ANK2: variants seen among roughly 807,000 people sequenced by gnomAD.
The protein encoded by ANK2 is ankyrin-2.
A neutral mutation model predicts 360.5 loss-of-function variants in ANK2; 83 were observed. The ratio of observed to expected loss-of-function variants is 0.23; its 90% confidence interval spans 0.19 to 0.28. The LOEUF is 0.28. ANK2 is among the 10% of genes least tolerant of loss of function. ANK2 has a pLI of 1.00. For synonymous variants in ANK2, 1,740 were observed against 1,759.5 expected (o/e 0.99, Z 0.28); for missense variants, 4,201 against 4,795.7 (o/e 0.88, Z 3.66).
At chr4:113,027,033 ATCTG>A (rs2059423609) in intron 2 of ANK2, among the ~76,000 whole-genome samples, 1 of 152,090 alleles carries the variant, frequency 6.6e-6, no homozygotes, top group Admixed American at 6.6e-5. Flanking sequence ...GGAGGAATCC[ATCTG>A]TTTCAGTGAA....
the ANK2 span, among the ~76,000 whole-genome samples, chr4:112,706,987 G>T: frequency 6.6e-6 from 1 of 152,136 alleles, no homozygotes; most frequent in Non-Finnish European, 1.5e-5. Context: ...CCATTGCCAG[G>T]AACTATAGCA....
chr4:113,197,282 A>G (rs936119482), intron 3 of ANK2, among the ~76,000 whole-genome samples: 10 of 152,226 alleles, frequency 6.6e-5, no homozygotes, highest in African/African-American at 2.4e-4. Flanking sequence ...GACTCATTTT[A>G]AAAGAAATGC....
chr4:113,202,871 TTTAG>T (rs2098853939), intron 4 of ANK2, among the ~76,000 whole-genome samples: 1 of 152,188 alleles, frequency 6.6e-6, no homozygotes, highest in Non-Finnish European at 1.5e-5. Flanking sequence ...GTGTAATTGA[TTTAG>T]TAACAATGAA....
intron 39 of ANK2, among the ~76,000 whole-genome samples, chr4:113,361,973 A>T (rs558827711): frequency 6.6e-6 from 1 of 152,316 alleles, no homozygotes; most frequent in African/African-American, 2.4e-5. Flanking sequence ...TCTATCTTCT[A>T]GCCGTGTGCC....
At chr4:112,988,748 C>A (rs1204141438) in intron 2 of ANK2, among the ~76,000 whole-genome samples, 1 of 152,100 alleles carries the variant, frequency 6.6e-6, no homozygotes, top group Non-Finnish European at 1.5e-5. Flanking sequence ...AGTAGTAATC[C>A]TTTAGGTAAT....
chr4:113,288,345 G>A (rs1213706544), intron 19 of ANK2, 43 bp from the exon 20 acceptor site: 1 of 1,534,674 alleles, frequency 6.5e-7, no homozygotes. Flanking sequence ...GAGTAGTAAA[G>A]TTTCTACTTT....
At chr4:112,879,347 G>T (rs1290231845) in intron 1 of ANK2, among the ~76,000 whole-genome samples, 2 of 152,158 alleles carry the variant, frequency 1.3e-5, no homozygotes, top group Non-Finnish European at 2.9e-5. Flanking sequence ...AGCTGCCGTG[G>T]TGTATGACCT....
In ANK2 at chr4:113,382,939, T is replaced by C. The variant is rs761265932; in HGVS notation, c.*1468T>C. The C allele has an allele frequency of 5.9e-5, 9 of 152,664 alleles. No individual in the cohort carries two copies. The highest frequency in any genetic ancestry group is 2.0e-4 in the Admixed American group (3 of 15,284). 9.5% of individuals were successfully genotyped at this position (152,664 alleles called of 1,614,324 possible). A position where few individuals can be genotyped will look rare whatever the true frequency, so the allele number is the denominator to read the frequency against. ...TGTTTGTTTGTCTCAAAGAAGGGAC[T>C]GTAACAATCTGAGTAATTTCCATGT... On this transcript the variant is annotated 3_prime_UTR_variant, in exon 46 of 46. Transcript: ENST00000357077.
At chr4:112,758,919 G>A in the ANK2 span, among the ~76,000 whole-genome samples, 1 of 152,092 alleles carries the variant, frequency 6.6e-6, no homozygotes, top group African/African-American at 2.4e-5. Flanking sequence ...TGATTCTAGG[G>A]AGAATTTCGA....
the ANK2 span, among the ~76,000 whole-genome samples, chr4:112,784,486 G>A: frequency 0.026 from 3,896 of 150,496 alleles, 70 homozygotes; most frequent in Admixed American, 0.041. Context: ...GCCTCCTACC[G>A]GCGCCTGCCA....
At position 113,356,080 on chromosome 4, in the gene ANK2, C is replaced by T. The variant is rs1458347240; in HGVS notation, c.7462C>T (p.Pro2488Ser). The T allele has an allele frequency of 6.2e-7, 1 of 1,614,144 alleles. No individual in the cohort carries two copies. Among genetic ancestry groups the T allele is most frequent in the Non-Finnish European group, 8.5e-7 (1 of 1,180,010 alleles). The change falls in exon 38 of 46, where the codon CCT becomes TCT. Residue 2488 changes from proline (P) to serine (S), a missense_variant. Around this residue, in one of 4 missense-constraint regions of ANK2, gnomAD observed 2,642 missense variants for 2,714.5 expected, o/e 0.97. Transcript: ENST00000357077. Reference protein sequence around the residue: ...MKAGIFPSHFPLPAAVAKTEL... With the variant: ...MKAGIFPSHFSLPAAVAKTEL... ...GGCTGGAATTTTTCCAAGTCACTTT[C>T]CTCTTCCTGCAGCTGTTGCCAAAAC...
intron 1 of ANK2, among the ~76,000 whole-genome samples, chr4:113,114,861 G>A (rs1327895862): frequency 2.0e-5 from 3 of 152,202 alleles, no homozygotes; most frequent in Non-Finnish European, 4.4e-5. Flanking sequence ...TGTGCCAGAA[G>A]AAGCTGGAGT....
chr4:113,342,146 ATTAT>A (rs1327766823), intron 33 of ANK2, among the ~76,000 whole-genome samples: 1 of 152,178 alleles, frequency 6.6e-6, no homozygotes, highest in Non-Finnish European at 1.5e-5. Context: ...TCCTTTAAAG[ATTAT>A]TTGAGGAAAA....
Position 113,353,776 on chromosome 4 carries a change from C to G in ANK2, c.5158C>G (p.Gln1720Glu). ...EKQKQKEEGLQASAEKAELKK... is the reference protein window; with the variant it reads ...EKQKQKEEGLEASAEKAELKK... ...GCAGAAACAAAAAGAGGAAGGTTTA[C>G]AAGCTAGTGCAGAGAAAGCTGAACT... The change falls in exon 38 of 46, where the codon CAA (glutamine) becomes GAA (glutamate). Residue 1720 changes from glutamine to glutamate, a missense_variant. Around this residue, in one of 4 missense-constraint regions of ANK2, gnomAD observed 2,642 missense variants for 2,714.5 expected, o/e 0.97. Transcript: ENST00000357077. 1 of 1,613,904 alleles carries G rather than the reference C, an allele frequency of 6.2e-7. No homozygotes were observed. The highest frequency in any genetic ancestry group is 8.5e-7 in the Non-Finnish European group (1 of 1,179,964).
At chr4:112,925,130 A>G (rs952124448) in intron 2 of ANK2, among the ~76,000 whole-genome samples, 19 of 152,000 alleles carry the variant, frequency 1.3e-4, no homozygotes, top group African/African-American at 4.6e-4. Context: ...GAGCCACCGC[A>G]CCTGGCCATT....
intron 1 of ANK2, among the ~76,000 whole-genome samples, chr4:112,893,030 A>C (rs2080573792): frequency 6.6e-6 from 1 of 152,178 alleles, no homozygotes; most frequent in African/African-American, 2.4e-5. Flanking sequence ...AGGTTTCTAA[A>C]GTTGCTTTTA....
chr4:112,848,425 G>C (rs1228547702), intron 1 of ANK2, among the ~76,000 whole-genome samples: 1 of 152,160 alleles, frequency 6.6e-6, no homozygotes. Context: ...GCCTCCCAAA[G>C]TGCGGGGATT....
chr4:113,143,291 A>T (rs2096710078), intron 1 of ANK2, among the ~76,000 whole-genome samples: 2 of 34,060 alleles, frequency 5.9e-5, no homozygotes, highest in African/African-American at 2.7e-4. Context: ...TTTAAAATTA[A>T]AGGCATGGCG....
At chr4:112,705,897 G>A in the ANK2 span, among the ~76,000 whole-genome samples, 1 of 151,634 alleles carries the variant, frequency 6.6e-6, no homozygotes, top group African/African-American at 2.4e-5. Flanking sequence ...GGTCGCGTCC[G>A]ACCCCGGCCC....
Sources: gnomAD v4.1 joint callset for allele counts (sites outside exome capture counted in the v4.1 genomes callset) on GRCh38, gnomAD v4.1.1 for gene constraint, gnomAD v4.1.1 regional missense constraint, MANE v1.5 for transcripts, NCBI Gene and HGNC (gene_info 2026-07-23, HGNC 2026-07-21) for gene names.